GRID2: variants seen among roughly 807,000 people sequenced by gnomAD.
The protein encoded by GRID2 is glutamate ionotropic receptor delta type subunit 2.
In GRID2, 33 loss-of-function variants were observed where a neutral mutation model predicts 114.8. The ratio of observed to expected loss-of-function variants is 0.29; its 90% CI spans 0.22 to 0.38. The LOEUF (loss-of-function observed/expected upper bound fraction) is 0.38, where lower values mean the gene tolerates loss of function less well. Among genes scored for constraint, GRID2 ranks in the 10% least tolerant of loss-of-function variants. The pLI, the probability that GRID2 is intolerant of heterozygous loss-of-function variation, is 1.00. For missense variants in GRID2, 1,184 were observed against 1,257.7 expected (o/e 0.94, Z 0.89); for synonymous variants, 505 against 449.9 (o/e 1.12, Z -1.55).
chr4:93,160,780 A>C (rs1390504037), intron 4 of GRID2, among the ~76,000 whole-genome samples: 1 of 151,828 alleles, frequency 6.6e-6, no homozygotes, highest in African/African-American at 2.4e-5. Context: ...ATTAGTGTGG[A>C]TCATAAGCCA....
At chr4:92,357,779 T>C (rs575953398) in intron 1 of GRID2, among the ~76,000 whole-genome samples, 1 of 152,012 alleles carries the variant, frequency 6.6e-6, no homozygotes, top group African/African-American at 2.4e-5. Flanking sequence ...AAATATGATA[T>C]TTTAAATACA....
At position 92,914,986 on chromosome 4, in the gene GRID2, G is replaced by A. The variant is rs1748670578; in HGVS notation, c.245-170009G>A. 3.3e-5 allele frequency among the ~76,000 whole-genome samples: 5 copies of A among 152,124 alleles called. No homozygotes were observed. The South Asian group carries it at 8.3e-4, about 25-fold the overall frequency. ...CTTCCCCAGACTGGGTAATATAAAG[G>A]AAACAGATTCAATTGACTCACAGTC... On this transcript the variant is annotated intron_variant, in intron 2 of 15. Coordinates refer to ENST00000282020, the MANE Select transcript of GRID2 (RefSeq NM_001510.4).
intron 8 of GRID2, among the ~76,000 whole-genome samples, chr4:93,369,171 G>T (rs1426923278): frequency 1.3e-5 from 2 of 152,102 alleles, no homozygotes; most frequent in African/African-American, 4.8e-5. Flanking sequence ...GATTTTGAGC[G>T]TTTCAGCTTC....
intron 2 of GRID2, among the ~76,000 whole-genome samples, chr4:92,816,519 G>C (rs60421113): frequency 3.3e-5 from 5 of 152,016 alleles, no homozygotes; most frequent in Non-Finnish European, 5.9e-5. Context: ...ATAAATGTCA[G>C]AGTTTGGTAA....
chr4:93,362,562 G>T (rs1259472120), intron 8 of GRID2, among the ~76,000 whole-genome samples: 1 of 151,970 alleles, frequency 6.6e-6, no homozygotes, highest in Non-Finnish European at 1.5e-5. Flanking sequence ...CTATAGCAAA[G>T]CTATTAAGCT....
chr4:93,802,315 C>T (rs548553726), intron 1 of GRID2, among the ~76,000 whole-genome samples: 2 of 152,114 alleles, frequency 1.3e-5, no homozygotes, highest in Middle Eastern at 3.4e-3. Context: ...GTGAGGGGAG[C>T]GTCAAAACCA....
At chr4:92,366,935 C>T (rs573736764) in intron 1 of GRID2, among the ~76,000 whole-genome samples, 101 of 152,082 alleles carry the variant, frequency 6.6e-4, no homozygotes, top group African/African-American at 2.1e-3. Flanking sequence ...CTAAAAATGT[C>T]TTTTATAGAA....
chr4:93,386,810 G>T (rs566315126), intron 8 of GRID2, among the ~76,000 whole-genome samples: 1 of 152,206 alleles, frequency 6.6e-6, no homozygotes, highest in East Asian at 1.9e-4. Flanking sequence ...TGTCCTCCAG[G>T]GTACCCACTC....
intron 14 of GRID2, among the ~76,000 whole-genome samples, chr4:93,739,913 T>C (rs1419520321): frequency 6.6e-6 from 1 of 152,116 alleles, no homozygotes; most frequent in Non-Finnish European, 1.5e-5. Context: ...AATAACCCTA[T>C]AAAATTCATC....
chr4:92,930,708 G>T (rs1750167883), intron 2 of GRID2, among the ~76,000 whole-genome samples: 1 of 149,480 alleles, frequency 6.7e-6, no homozygotes, highest in African/African-American at 2.4e-5. Flanking sequence ...TGTGTTGAAA[G>T]AAAAGTCCTG....
At chr4:93,116,782 G>A (rs886342118) in intron 4 of GRID2, among the ~76,000 whole-genome samples, 3 of 151,724 alleles carry the variant, frequency 2.0e-5, no homozygotes, top group Admixed American at 6.6e-5. Flanking sequence ...GAAAACATCT[G>A]TGTTAGATAA....
At chr4:93,240,465 C>T (rs2149515481) in intron 8 of GRID2, among the ~76,000 whole-genome samples, 1 of 149,878 alleles carries the variant, frequency 6.7e-6, no homozygotes, top group South Asian at 2.1e-4. Context: ...AGAAGGGTGT[C>T]TTTTGCTTTT....
chr4:93,041,224 GA>G (rs1332849712), intron 2 of GRID2, among the ~76,000 whole-genome samples: 1 of 152,144 alleles, frequency 6.6e-6, no homozygotes, highest in Non-Finnish European at 1.5e-5. Context: ...TCTAGTGGGA[GA>G]ATCAGGTGAA....
chr4:92,801,471 T>A (rs1024812569), intron 2 of GRID2, among the ~76,000 whole-genome samples: 1 of 151,978 alleles, frequency 6.6e-6, no homozygotes, highest in Non-Finnish European at 1.5e-5. Context: ...TTGTAAACAC[T>A]GCAGAGTGTA....
At chr4:92,478,022 T>A (rs1198792923) in intron 1 of GRID2, among the ~76,000 whole-genome samples, 1 of 151,552 alleles carries the variant, frequency 6.6e-6, no homozygotes, top group Non-Finnish European at 1.5e-5. Flanking sequence ...AATGACTGCA[T>A]AAGCAAATGA....
chr4:93,691,692 T>G (rs1262279034), intron 14 of GRID2, among the ~76,000 whole-genome samples: 1 of 152,076 alleles, frequency 6.6e-6, no homozygotes, highest in Non-Finnish European at 1.5e-5. Context: ...GAAAGATGTG[T>G]GCTATTTCAC....
intron 10 of GRID2, among the ~76,000 whole-genome samples, chr4:93,455,103 A>C (rs1025970584): frequency 6.6e-6 from 1 of 152,122 alleles, no homozygotes; most frequent in Admixed American, 6.5e-5. Context: ...ATACAATACA[A>C]TCATAGTAGT....
intron 1 of GRID2, among the ~76,000 whole-genome samples, chr4:92,337,038 T>C (rs1727222341): frequency 6.6e-6 from 1 of 151,008 alleles, no homozygotes; most frequent in South Asian, 2.1e-4. Context: ...GGGGGTTCTT[T>C]GAAACTTTAT....
In GRID2 at chr4:92,864,073, C is replaced by T. The variant is rs147887613; in HGVS notation, c.245-220922C>T. Among the ~76,000 whole-genome samples the T allele has an allele frequency of 8.5e-5, 13 of 152,228 alleles. 1 individual carries two copies. The East Asian group carries it at 1.7e-3, about 20-fold the overall frequency. On this transcript the variant is annotated intron_variant, in intron 2 of 15. Coordinates refer to ENST00000282020, the MANE Select transcript of GRID2 (RefSeq NM_001510.4). ...TGAATAAAATTAAACAGTTACATAA[C>T]GTGTCTATCCATAAATCATTTAAAT...
Sources: allele counts gnomAD v4.1 joint callset (sites outside exome capture counted in the v4.1 genomes callset), GRCh38; gene constraint gnomAD v4.1.1; transcripts MANE v1.5; gene names NCBI Gene and HGNC (gene_info 2026-07-23, HGNC 2026-07-21).